PCDHA2: variants seen among roughly 807,000 people sequenced by gnomAD.
PCDHA2 encodes the protein protocadherin alpha-2.
In PCDHA2, 58 loss-of-function variants were observed where a neutral mutation model predicts 66.0. That is an observed-to-expected ratio of 0.88 (90% CI 0.71 to 1.09). The LOEUF is 1.09. PCDHA2 is among the 50% of genes least tolerant of loss of function. PCDHA2 has a pLI of 0.00. For missense variants in PCDHA2, 1,267 were observed against 1,242.3 expected, an observed-to-expected ratio of 1.02 and a Z score of -0.30; for synonymous variants, 634 against 554.0, an observed-to-expected ratio of 1.14 and a Z score of -2.03.
chr5:140,808,806 C>T, intron 1 of PCDHA2: 1 of 1,612,650 alleles, frequency 6.2e-7, no homozygotes, highest in African/African-American at 1.3e-5. Flanking sequence ...GCTCGCGATG[C>T]CGGCGTGCCA....
At chr5:140,849,920 C>A in intron 1 of PCDHA2, 1 of 1,598,384 alleles carries the variant, frequency 6.3e-7, no homozygotes, top group Non-Finnish European at 8.6e-7. Context: ...GCCACATCTT[C>A]ACGGTGTCTG....
chr5:140,821,171 C>A (rs1442179324), intron 1 of PCDHA2, among the ~76,000 whole-genome samples: 1 of 152,078 alleles, frequency 6.6e-6, no homozygotes, highest in Admixed American at 6.5e-5. Context: ...TACAAACATT[C>A]CATTGACTAA....
chr5:140,975,244 A>G (rs934948446), intron 1 of PCDHA2, among the ~76,000 whole-genome samples: 6 of 152,120 alleles, frequency 3.9e-5, no homozygotes. Flanking sequence ...AATCCCTCTT[A>G]TGCTTCAGAT....
At chr5:140,968,401 C>T (rs1554230667) in intron 1 of PCDHA2, 1 of 1,613,984 alleles carries the variant, frequency 6.2e-7, no homozygotes, top group South Asian at 1.1e-5. Context: ...TTCGGGAGTT[C>T]TTTGTGACTG....
chr5:140,851,794 T>A, intron 1 of PCDHA2: 1 of 954,488 alleles, frequency 1.0e-6, no homozygotes, highest in Non-Finnish European at 1.3e-6. Flanking sequence ...ATTCACTTGT[T>A]CTGTCAGTAA....
At chr5:140,966,744 T>A in intron 1 of PCDHA2, 1 of 1,424,124 alleles carries the variant, frequency 7.0e-7, no homozygotes. Flanking sequence ...CCTGCCCGGC[T>A]GCCTCCGCCG....
chr5:140,853,535 C>G (rs916895928), intron 1 of PCDHA2: 2 of 979,230 alleles, frequency 2.0e-6, no homozygotes, highest in South Asian at 9.5e-5. Context: ...TGTCTCTTTT[C>G]AAGTTGTAAT....
At chr5:140,911,283 A>G (rs906069835) in intron 1 of PCDHA2, among the ~76,000 whole-genome samples, 1 of 152,278 alleles carries the variant, frequency 6.6e-6, no homozygotes, top group Non-Finnish European at 1.5e-5. Context: ...CAGCTTCATC[A>G]GGGTCCTTTT....
intron 3 of PCDHA2, among the ~76,000 whole-genome samples, chr5:140,990,652 A>T (rs1023448596): frequency 1.3e-4 from 20 of 152,208 alleles, no homozygotes; most frequent in Admixed American, 1.3e-3. Flanking sequence ...GCCAGTATGA[A>T]TGATTTACAT....
chr5:140,843,949 T>C, intron 1 of PCDHA2: 1 of 564,496 alleles, frequency 1.8e-6, no homozygotes, highest in Non-Finnish European at 3.1e-6. Context: ...ATGATATCCA[T>C]TTTTTACTGA....
At chr5:140,849,751 C>A (rs1664372537) in intron 1 of PCDHA2, 2 of 1,598,420 alleles carry the variant, frequency 1.3e-6, no homozygotes, top group Non-Finnish European at 1.7e-6. Flanking sequence ...GAGAGTGTGT[C>A]CGCCTACGAG....
intron 1 of PCDHA2, chr5:140,836,027 C>G: frequency 6.2e-7 from 1 of 1,613,456 alleles, no homozygotes; most frequent in Non-Finnish European, 8.5e-7. Context: ...TGGGCAGCAA[C>G]GTGACGCTGC....
chr5:140,895,515 G>A (rs2065042106), intron 1 of PCDHA2, among the ~76,000 whole-genome samples: 1 of 151,948 alleles, frequency 6.6e-6, no homozygotes, highest in Non-Finnish European at 1.5e-5. Flanking sequence ...ATTTTTAATT[G>A]GTTTATTCGT....
At chr5:140,868,689 T>A (rs951881699) in intron 1 of PCDHA2, 4 of 174,918 alleles carry the variant, frequency 2.3e-5, no homozygotes, top group Admixed American at 2.1e-4. Flanking sequence ...GTTATAATGT[T>A]AAGTCAAACA....
intron 1 of PCDHA2, chr5:140,807,056 C>G (rs1055312239): frequency 1.9e-6 from 2 of 1,079,742 alleles, no homozygotes; most frequent in Admixed American, 2.3e-5. Flanking sequence ...TCTATTCTTA[C>G]TGGAAGGAAC....
chr5:140,968,184 C>T, intron 1 of PCDHA2: 1 of 1,614,050 alleles, frequency 6.2e-7, no homozygotes, highest in Non-Finnish European at 8.5e-7. Flanking sequence ...CTGGAGGACT[C>T]CTATTCCATC....
intron 1 of PCDHA2, chr5:140,801,602 G>T (rs1554121564): frequency 6.2e-7 from 1 of 1,614,204 alleles, no homozygotes. Flanking sequence ...TTTTTCCAAT[G>T]GCTGTAAAGA....
At chr5:140,982,824 G>GGTTT (rs74513655) in intron 3 of PCDHA2, among the ~76,000 whole-genome samples, 1 of 151,942 alleles carries the variant, frequency 6.6e-6, no homozygotes, top group African/African-American at 2.4e-5. Context: ...AAGTTTTTGG[G>GGTTT]GTTTGTTTGT....
rs186566632 is a variant in PCDHA2, at chr5:140,947,652, T to C, written c.2389-31297T>C. 6.7e-3 allele frequency among the ~76,000 whole-genome samples: 1,010 copies of C among 151,752 alleles called. 2 individuals are homozygous for C. Among genetic ancestry groups the C allele is most frequent in the Non-Finnish European group, 0.01 (702 of 67,572 alleles). On this transcript the variant is annotated intron_variant, in intron 1 of 3. Transcript: ENST00000526136. ...ATCAGATCGTATGAACATATATACCTCCATTTACTTGGGTCTTTAAAAAAT... is the reference window on the plus strand; with the variant it reads ...ATCAGATCGTATGAACATATATACCCCCATTTACTTGGGTCTTTAAAAAAT...
Sources: allele counts gnomAD v4.1 joint callset (sites outside exome capture counted in the v4.1 genomes callset), GRCh38; gene constraint gnomAD v4.1.1; transcripts MANE v1.5; gene names NCBI Gene and HGNC (gene_info 2026-07-23, HGNC 2026-07-21).